The following TMX1 variants were observed in gnomAD, a reference collection of about 807,000 sequenced individuals.
The protein encoded by TMX1 is thioredoxin related transmembrane protein 1.
TMX1 carries 25 observed loss-of-function variants against 36.6 expected under a neutral mutation model. The ratio of observed to expected loss-of-function variants is 0.68; its 90% CI spans 0.50 to 0.95. The LOEUF is 0.95. Ranked by LOEUF, TMX1 falls within the 40% of genes least tolerant of loss-of-function variation. The probability of loss-of-function intolerance (pLI) is 0.00; values close to 1 mark genes in which losing one functional copy is unlikely to be tolerated. For missense variants in TMX1, 347 were observed against 339.6 expected, an observed-to-expected ratio of 1.02 and a Z score of -0.17; for synonymous variants, 133 against 118.0, an observed-to-expected ratio of 1.13 and a Z score of -0.82.
intron 3 of TMX1, 38 bp downstream of exon 3, chr14:51,245,396 C>T (rs748591704): frequency 6.2e-7 from 1 of 1,610,724 alleles, no homozygotes. Context: ...GAGAAGGATG[C>T]ATTATAGTGT....
intron 7 of TMX1, chr14:51,253,874 G>A (rs1420262135): frequency 1.3e-5 from 2 of 152,522 alleles, no homozygotes; most frequent in Non-Finnish European, 2.9e-5. Context: ...TACTGTTTAA[G>A]TTTTAGTATA....
chr14:51,251,264 G>A (rs1003350569), intron 7 of TMX1, among the ~76,000 whole-genome samples: 14 of 152,186 alleles, frequency 9.2e-5, no homozygotes, highest in Non-Finnish European at 1.6e-4. Context: ...GACCTATTCT[G>A]GGCTACTGGT....
Position 51,249,507 on chromosome 14 carries a change from G to T in TMX1, c.529G>T (p.Val177Leu). 6.8e-6 allele frequency: 11 copies of T among 1,613,626 alleles called. No individual in the cohort carries two copies. The highest frequency in any genetic ancestry group is 8.5e-6 in the Non-Finnish European group (10 of 1,179,874). Residue 177 changes from valine to leucine, a missense_variant, in exon 6 of 8, where the codon GTG (valine) becomes TTG (leucine). Physicochemically the swap from Val to Leu is conservative, Grantham distance 32 (BLOSUM62 1). Transcript: ENST00000457354. ...CTTTATTGAAGACCTTGGATTGCCA[G>T]TGTGGGGATCATATACTGTTTTTGC... ...NYFIEDLGLP[V>L]WGSYTVFALA...
At chr14:51,248,491 C>G (rs1166382371) in intron 4 of TMX1, among the ~76,000 whole-genome samples, 2 of 152,192 alleles carry the variant, frequency 1.3e-5, no homozygotes, top group Non-Finnish European at 2.9e-5. Flanking sequence ...TACAGTGAGG[C>G]TATACAGTGC....
chr14:51,245,571 G>C, intron 3 of TMX1: 1 of 1,261,192 alleles, frequency 7.9e-7, no homozygotes, highest in Non-Finnish European at 1.1e-6. Context: ...AAGATTTACA[G>C]TTGTTTTGGA....
In TMX1 at chr14:51,249,326, G is replaced by A; in HGVS notation, c.444G>A (p.Leu148=). ...VSSWFGPGSV[L]MSSMSALFQL... ...TTTTAATCATCTCTTTTATTTTTAG[G>A]ATGAGTAGTATGTCAGCACTCTTTC... The change falls in exon 5 of 8, where the codon CTG becomes CTA. Residue 148 remains leucine, a splice_region_variant and synonymous_variant. Coordinates refer to ENST00000457354, the MANE Select transcript of TMX1 (RefSeq NM_030755.5). 1 of 1,600,628 alleles carries A rather than the reference G, an allele frequency of 6.2e-7. No individual in the cohort carries two copies. The highest frequency in any genetic ancestry group is 8.5e-7 in the Non-Finnish European group (1 of 1,175,688).
At chr14:51,247,395 C>A (rs943558109) in intron 4 of TMX1, among the ~76,000 whole-genome samples, 175 bp downstream of exon 4, 10 of 120,018 alleles carry the variant, frequency 8.3e-5, no homozygotes, top group Non-Finnish European at 1.3e-4. Context: ...CTTGCTCTGT[C>A]GCCCAGGCTG....
intron 7 of TMX1, chr14:51,253,993 G>C: frequency 6.2e-6 from 1 of 161,954 alleles, no homozygotes; most frequent in South Asian, 1.9e-4. Flanking sequence ...GTAATAGTAA[G>C]TTCTGATAAC....
Position 51,247,227 on chromosome 14 carries a change from A to T in TMX1, c.443+7A>T. The stretch of plus-strand genomic sequence containing the variant: ...TTGGTCCAGGTTCTGTTCTGTAAGT[A>T]TGAGGGCTTTTTCTCTTACCCATTT... On this transcript the variant is annotated splice_region_variant and intron_variant, in intron 4 of 7. Transcript: ENST00000457354. 1 of 1,605,444 alleles carries T rather than the reference A, an allele frequency of 6.2e-7. No individual in the cohort carries two copies. Among genetic ancestry groups the T allele is most frequent in the Non-Finnish European group, 8.5e-7 (1 of 1,177,346 alleles).
In TMX1 at chr14:51,240,396, C is replaced by G. The variant is rs771798542; in HGVS notation, c.104C>G (p.Thr35Arg). The change falls in exon 1 of 8, where the codon ACG becomes AGG. Residue 35 changes from threonine to arginine, a missense_variant. By Grantham distance (71) the Thr-to-Arg change is moderately conservative. Transcript: ENST00000457354. Reference sequence around the variant, plus strand: ...CGGCGGAGCAACGTTCGCGTCATCACGGACGAGAACTGGAGAGAACTGCTG... The same window carrying G: ...CGGCGGAGCAACGTTCGCGTCATCAGGGACGAGAACTGGAGAGAACTGCTG... ...HGRRSNVRVI[T>R]DENWRELLEG... The G allele has an allele frequency of 1.9e-6, 3 of 1,614,020 alleles. No homozygotes were observed. The highest frequency in any genetic ancestry group is 3.3e-5 in the Admixed American group (2 of 60,032).
intron 3 of TMX1, 145 bp downstream of exon 3, chr14:51,245,503 G>T: frequency 6.5e-7 from 1 of 1,532,666 alleles, no homozygotes. Context: ...GTTTTGCTTA[G>T]TGTTATCCTA....
At chr14:51,252,802 G>A (rs1251238734) in intron 7 of TMX1, among the ~76,000 whole-genome samples, 1 of 152,222 alleles carries the variant, frequency 6.6e-6, no homozygotes, top group Non-Finnish European at 1.5e-5. Flanking sequence ...ATGTAGGGAT[G>A]AAGTCTGAGG....
chr14:51,252,645 A>T (rs567994981), intron 7 of TMX1, among the ~76,000 whole-genome samples: 2 of 152,298 alleles, frequency 1.3e-5, no homozygotes, highest in Admixed American at 6.5e-5. Context: ...CCAGACTTTA[A>T]AGTGATATTG....
intron 4 of TMX1, among the ~76,000 whole-genome samples, chr14:51,248,903 A>G (rs1224923246): frequency 6.6e-6 from 1 of 152,218 alleles, no homozygotes; most frequent in Non-Finnish European, 1.5e-5. Context: ...TTAAATGGAA[A>G]GAATTGGCTT....
At chr14:51,245,570 AGTT>A in intron 3 of TMX1, 1 of 1,270,194 alleles carries the variant, frequency 7.9e-7, no homozygotes, top group South Asian at 1.4e-5. Flanking sequence ...AAAGATTTAC[AGTT>A]GTTTTGGAAA....
chr14:51,240,265 G>T lies in TMX1; in HGVS notation c.-28G>T. ...GGGCGGAAGTGGGAGCTGCGACCGC[G>T]CTCCCTGTGAGGTGGGCAAGCGGCG... is the stretch of plus-strand genomic sequence containing the variant. On this transcript the variant is annotated 5_prime_UTR_variant, in exon 1 of 8. Coordinates refer to ENST00000457354, the MANE Select transcript of TMX1 (RefSeq NM_030755.5). The T allele has an allele frequency of 6.2e-7, 1 of 1,602,934 alleles. No homozygotes were observed. Among genetic ancestry groups the T allele is most frequent in the South Asian group, 1.1e-5 (1 of 90,926 alleles).
At chr14:51,247,819 A>G (rs532913761) in intron 4 of TMX1, among the ~76,000 whole-genome samples, 27 of 152,314 alleles carry the variant, frequency 1.8e-4, no homozygotes, top group African/African-American at 6.5e-4. Flanking sequence ...TGCCCCTAAG[A>G]GTCTTCACAG....
intron 7 of TMX1, chr14:51,254,086 A>T: frequency 3.6e-6 from 1 of 279,986 alleles, no homozygotes; most frequent in Non-Finnish European, 6.6e-6. Flanking sequence ...ATGCTGATTC[A>T]TTAATTTCAG....
At chr14:51,244,084 A>G (rs2065774738) in intron 2 of TMX1, 113 bp downstream of exon 2, 3 of 859,456 alleles carry the variant, frequency 3.5e-6, no homozygotes, top group African/African-American at 1.7e-5. Flanking sequence ...TTGAAAACCT[A>G]ACAGTCTGCA....
Sources: allele counts gnomAD v4.1 joint callset (sites outside exome capture counted in the v4.1 genomes callset), GRCh38; gene constraint gnomAD v4.1.1; transcripts MANE v1.5; gene names NCBI Gene and HGNC (gene_info 2026-07-23, HGNC 2026-07-21).